The following DARS1 variants were observed in gnomAD, a reference collection of about 807,000 sequenced individuals.
The protein encoded by DARS1 is aspartyl-tRNA synthetase 1.
A neutral mutation model predicts 68.8 loss-of-function variants in DARS1; 51 were observed. That is an observed-to-expected ratio of 0.74 (90% confidence interval 0.59 to 0.94). The LOEUF (loss-of-function observed/expected upper bound fraction) is 0.94, where lower values mean the gene tolerates loss of function less well. Ranked by LOEUF, DARS1 falls within the 40% of genes least tolerant of loss-of-function variation. The probability of loss-of-function intolerance (pLI) is 0.00; values close to 1 mark genes in which losing one functional copy is unlikely to be tolerated. For missense variants in DARS1, 607 were observed against 597.3 expected (o/e 1.02, Z -0.17); for synonymous variants, 203 against 190.4 (o/e 1.07, Z -0.55).
At chr2:135,933,762 G>C (rs1681404858) in intron 6 of DARS1, 148 bp downstream of exon 6, 2 of 1,243,582 alleles carry the variant, frequency 1.6e-6, no homozygotes, top group Non-Finnish European at 2.1e-6. Context: ...GATACCAAAA[G>C]GTTTGAGAAT....
chr2:135,946,363 G>C (rs1681720351), intron 4 of DARS1, among the ~76,000 whole-genome samples: 1 of 152,192 alleles, frequency 6.6e-6, no homozygotes, highest in South Asian at 2.1e-4. Flanking sequence ...TCTTCCTTCA[G>C]AAACCTCACA....
At chr2:135,980,482 T>C (rs1032940809) in intron 2 of DARS1, 3 of 152,214 alleles carry the variant, frequency 2.0e-5, no homozygotes, top group African/African-American at 7.2e-5. Context: ...AAGATGCAGC[T>C]GCAGAGAGAA....
intron 13 of DARS1, 60 bp downstream of exon 13, chr2:135,912,426 C>G (rs535601585): frequency 2.8e-6 from 2 of 714,314 alleles, no homozygotes; most frequent in Non-Finnish European, 5.0e-6. Flanking sequence ...TACAATCTGA[C>G]AGTGACAATA....
intron 12 of DARS1, among the ~76,000 whole-genome samples, chr2:135,913,861 T>C (rs1314123109): frequency 6.6e-6 from 1 of 152,232 alleles, no homozygotes; most frequent in Non-Finnish European, 1.5e-5. Flanking sequence ...CTGGCTCTGC[T>C]GAAACAGCAT....
intron 10 of DARS1, among the ~76,000 whole-genome samples, chr2:135,917,672 T>G (rs1433751226): frequency 2.0e-5 from 3 of 152,018 alleles, no homozygotes; most frequent in Non-Finnish European, 4.4e-5. Flanking sequence ...AGAGATGGGA[T>G]TTCACCATGT....
intron 4 of DARS1, among the ~76,000 whole-genome samples, chr2:135,957,676 G>C (rs76793136): frequency 2.0e-5 from 3 of 152,070 alleles, no homozygotes; most frequent in Non-Finnish European, 4.4e-5. Context: ...CAAAATAAGC[G>C]TGGTGAGAAG....
intron 4 of DARS1, among the ~76,000 whole-genome samples, chr2:135,953,270 T>C (rs745899752): frequency 8.5e-5 from 13 of 152,344 alleles, no homozygotes; most frequent in Non-Finnish European, 8.8e-5. Context: ...GGTACAAGTG[T>C]CTAACAAAGC....
At chr2:135,969,835 C>G (rs897269830) in intron 3 of DARS1, among the ~76,000 whole-genome samples, 3 of 152,160 alleles carry the variant, frequency 2.0e-5, no homozygotes, top group African/African-American at 7.2e-5. Flanking sequence ...GGTTTCTTCA[C>G]GCTTATGGTC....
In DARS1 at chr2:135,907,267, A is replaced by G; in HGVS notation, c.*49T>C. Reference sequence around the variant, plus strand: ...CTTTTTTTTTTTTTTTTTTTGAGGCAGGGTCTCGCTCTGTCATCCACACTG... The same window carrying G: ...CTTTTTTTTTTTTTTTTTTTGAGGCGGGGTCTCGCTCTGTCATCCACACTG... On this transcript the variant is annotated 3_prime_UTR_variant, in exon 16 of 16. Coordinates refer to ENST00000264161, the MANE Select transcript of DARS1 (RefSeq NM_001349.4). 2 of 574,052 alleles carry G rather than the reference A, an allele frequency of 3.5e-6. No homozygotes were observed. Among genetic ancestry groups the G allele is most frequent in the Non-Finnish European group, 5.1e-6 (2 of 393,352 alleles). The allele number at this position is 574,052 out of a possible 1,614,324, so 35.6% of individuals were successfully genotyped here. A position where few individuals can be genotyped will look rare whatever the true frequency, so the allele number is the denominator to read the frequency against.
At chr2:135,940,656 C>A (rs1681574971) in intron 5 of DARS1, among the ~76,000 whole-genome samples, 1 of 152,132 alleles carries the variant, frequency 6.6e-6, no homozygotes, top group South Asian at 2.1e-4. Context: ...GAAGTTCTGG[C>A]CAGGGCAATC....
intron 3 of DARS1, among the ~76,000 whole-genome samples, chr2:135,975,470 C>T (rs1682475774): frequency 6.6e-6 from 1 of 152,008 alleles, no homozygotes; most frequent in African/African-American, 2.4e-5. Context: ...CACACATATA[C>T]ACTCACATTG....
rs146870297 is a variant in DARS1, at chr2:135,964,606, C to T, written c.218-3108G>A. 3.8e-3 allele frequency among the ~76,000 whole-genome samples: 572 copies of T among 152,008 alleles called. 1 individual carries two copies. Among genetic ancestry groups the T allele is most frequent in the Non-Finnish European group, 5.7e-3 (389 of 67,958 alleles). ...CTGTAATCCCAGCACTCTGGGAGGC[C>T]GAGGTGGGCGGATCACTTGAGGTCA... On this transcript the variant is annotated intron_variant, in intron 3 of 15. Transcript: ENST00000264161.
intron 4 of DARS1, among the ~76,000 whole-genome samples, chr2:135,957,976 T>C (rs778177421): frequency 4.6e-5 from 7 of 152,230 alleles, no homozygotes; most frequent in Non-Finnish European, 7.3e-5. Flanking sequence ...ATAAAGCTTG[T>C]AGCCTTAGAG....
At chr2:135,980,418 CTGTA>C (rs1296671890) in intron 2 of DARS1, 1 of 152,160 alleles carries the variant, frequency 6.6e-6, no homozygotes, top group East Asian at 1.9e-4. Context: ...ATTATAAATA[CTGTA>C]TGTCTTACCG....
chr2:135,939,571 T>C (rs185261190), intron 5 of DARS1, among the ~76,000 whole-genome samples: 153 of 152,182 alleles, frequency 1.0e-3, no homozygotes, highest in African/African-American at 1.9e-3. Context: ...AGATCTAAAA[T>C]TGACACCCTA....
At chr2:135,919,461 T>G (rs1460717739) in intron 10 of DARS1, among the ~76,000 whole-genome samples, 1 of 152,228 alleles carries the variant, frequency 6.6e-6, no homozygotes, top group African/African-American at 2.4e-5. Context: ...TTGCTGGTCT[T>G]CAAATAAAAA....
At position 135,907,301 on chromosome 2, in the gene DARS1, T is replaced by C. The variant is rs367624698; in HGVS notation, c.*15A>G. ...CTCTGTCATCCACACTGGAGTTAAG[T>C]GGCAAAGTGTGAATTTAAGGAGTGA... On this transcript the variant is annotated 3_prime_UTR_variant, in exon 16 of 16. Transcript: ENST00000264161. 2 of 1,499,822 alleles carry C rather than the reference T, an allele frequency of 1.3e-6. No homozygotes were observed. The highest frequency in any genetic ancestry group is 1.8e-6 in the Non-Finnish European group (2 of 1,100,446). The allele number at this position is 1,499,822 out of a possible 1,614,324, so 92.9% of individuals were successfully genotyped here.
chr2:135,917,751 T>G (rs999496840), intron 10 of DARS1, among the ~76,000 whole-genome samples: 1 of 152,048 alleles, frequency 6.6e-6, no homozygotes, highest in African/African-American at 2.4e-5. Context: ...AGTGTTAGGA[T>G]TACAGATGTG....
At chr2:135,938,135 T>G (rs113974791) in intron 5 of DARS1, among the ~76,000 whole-genome samples, 26,136 of 152,230 alleles carry the variant, frequency 0.17, 2,648 homozygotes, top group Middle Eastern at 0.4. Context: ...CAATCAGACG[T>G]AGATTTGGTC....
Sources: allele counts gnomAD v4.1 joint callset (sites outside exome capture counted in the v4.1 genomes callset), GRCh38; gene constraint gnomAD v4.1.1; transcripts MANE v1.5; gene names NCBI Gene and HGNC (gene_info 2026-07-23, HGNC 2026-07-21).